The following SGCD variants were observed in gnomAD, a reference collection of about 807,000 sequenced individuals.
SGCD encodes delta-sarcoglycan.
A neutral mutation model predicts 36.6 loss-of-function variants in SGCD; 18 were observed. That is an observed-to-expected ratio of 0.49 (90% CI 0.34 to 0.73). The LOEUF (loss-of-function observed/expected upper bound fraction) is 0.73, where lower values mean the gene tolerates loss of function less well. SGCD is among the 30% of genes least tolerant of loss of function. SGCD has a pLI of 0.01. For synonymous variants in SGCD, 133 were observed against 130.6 expected (o/e 1.02, Z -0.12); for missense variants, 387 against 346.7 (o/e 1.12, Z -0.92).
intron 7 of SGCD, among the ~76,000 whole-genome samples, chr5:156,648,774 G>T (rs965314206): frequency 6.6e-6 from 1 of 152,098 alleles, no homozygotes; most frequent in African/African-American, 2.4e-5. Flanking sequence ...TTCATATAAG[G>T]TACTGAAGCT....
At chr5:156,405,042 A>G (rs1466630457) in intron 3 of SGCD, among the ~76,000 whole-genome samples, 1 of 152,218 alleles carries the variant, frequency 6.6e-6, no homozygotes. Flanking sequence ...CAGCCTAATC[A>G]CATAAGCCCT....
intron 1 of SGCD, among the ~76,000 whole-genome samples, chr5:156,104,862 T>A: frequency 6.6e-6 from 1 of 152,220 alleles, no homozygotes; most frequent in East Asian, 1.9e-4. Context: ...TGCCAGTTAG[T>A]ATTTTTTTCA....
At chr5:156,606,620 C>T (rs1361892721) in intron 6 of SGCD, among the ~76,000 whole-genome samples, 1 of 152,196 alleles carries the variant, frequency 6.6e-6, no homozygotes, top group African/African-American at 2.4e-5. Context: ...GGCACTGAAT[C>T]TATAAATTCC....
chr5:156,595,014 T>G lies in SGCD; in HGVS notation c.465T>G (p.Asn155Lys). Residue 155 changes from asparagine to lysine, a missense_variant, in exon 6 of 9, where the codon AAT becomes AAG. Transcript: ENST00000337851. ...AATTGCTCTTCTCTGCAGACAATAA[T>G]GAAGTGGTAGTAGGAGCTGAAAGAT... ...SGKLLFSADNNEVVVGAERLR... is the reference protein window; with the variant it reads ...SGKLLFSADNKEVVVGAERLR... The G allele has an allele frequency of 6.2e-7, 1 of 1,612,264 alleles. No homozygotes were observed. The highest frequency in any genetic ancestry group is 8.5e-7 in the Non-Finnish European group (1 of 1,178,734).
intron 1 of SGCD, among the ~76,000 whole-genome samples, chr5:155,922,394 C>T (rs1756896285): frequency 6.6e-6 from 1 of 152,104 alleles, no homozygotes; most frequent in African/African-American, 2.4e-5. Flanking sequence ...GTCCTTATTC[C>T]TCACACTTGA....
chr5:156,428,202 A>C (rs1044265650), intron 3 of SGCD, among the ~76,000 whole-genome samples: 14 of 152,020 alleles, frequency 9.2e-5, no homozygotes, highest in African/African-American at 3.1e-4. Context: ...TTAAATTACT[A>C]TTTCAATCTT....
intron 3 of SGCD, among the ~76,000 whole-genome samples, chr5:156,368,880 T>G (rs1254790009): frequency 6.6e-6 from 1 of 152,228 alleles, no homozygotes; most frequent in Admixed American, 6.5e-5. Flanking sequence ...TATAACTATT[T>G]CATTATATAT....
intron 3 of SGCD, among the ~76,000 whole-genome samples, chr5:156,472,711 C>T (rs1277167498): frequency 1.3e-5 from 2 of 152,204 alleles, no homozygotes; most frequent in African/African-American, 2.4e-5. Context: ...GAGTAAGCCA[C>T]CATGCCCAGC....
At chr5:156,421,713 G>A (rs1017888062) in intron 3 of SGCD, among the ~76,000 whole-genome samples, 3 of 152,046 alleles carry the variant, frequency 2.0e-5, no homozygotes, top group Admixed American at 1.3e-4. Context: ...AGCAGCACTT[G>A]AAGCTCTCTG....
chr5:156,125,590 A>G (rs936587055), intron 3 of SGCD, among the ~76,000 whole-genome samples: 1 of 152,098 alleles, frequency 6.6e-6, no homozygotes, highest in Non-Finnish European at 1.5e-5. Context: ...TAGTCAGAAT[A>G]ACTTTGTCTT....
At chr5:156,018,665 T>C (rs1398994308) in intron 1 of SGCD, among the ~76,000 whole-genome samples, 1 of 152,194 alleles carries the variant, frequency 6.6e-6, no homozygotes, top group Non-Finnish European at 1.5e-5. Flanking sequence ...ACCTAATAAG[T>C]GTTGAGCACT....
At chr5:156,020,401 G>A (rs554565245) in intron 1 of SGCD, among the ~76,000 whole-genome samples, 1 of 152,076 alleles carries the variant, frequency 6.6e-6, no homozygotes. Context: ...ACTGTCACTT[G>A]GTTTTTGAAT....
intron 3 of SGCD, among the ~76,000 whole-genome samples, chr5:156,361,351 G>A (rs192865885): frequency 4.2e-4 from 64 of 152,362 alleles, no homozygotes; most frequent in African/African-American, 1.3e-3. Flanking sequence ...AGGTTTTGAA[G>A]AAGACAGACC....
intron 3 of SGCD, among the ~76,000 whole-genome samples, chr5:156,216,816 C>T (rs1316457928): frequency 3.3e-5 from 5 of 152,144 alleles, no homozygotes; most frequent in East Asian, 1.9e-4. Flanking sequence ...TGGTGGCTCA[C>T]GCCTGTCATC....
intron 7 of SGCD, among the ~76,000 whole-genome samples, chr5:156,680,036 G>A (rs1204871129): frequency 6.6e-6 from 1 of 152,172 alleles, no homozygotes; most frequent in East Asian, 1.9e-4. Flanking sequence ...ATTAGGATTA[G>A]TTCAGTATAG....
chr5:156,303,307 T>C (rs1041175332), intron 3 of SGCD, among the ~76,000 whole-genome samples: 2 of 152,132 alleles, frequency 1.3e-5, no homozygotes, highest in African/African-American at 4.8e-5. Context: ...ATGTTCACTC[T>C]AGGCCCAAAG....
the SGCD span, among the ~76,000 whole-genome samples, chr5:155,845,050 C>T: frequency 0.024 from 3,627 of 152,022 alleles, 133 homozygotes; most frequent in African/African-American, 0.081. Context: ...TGACAGGCCC[C>T]GGTGTGTGAT....
chr5:156,589,196 C>T, intron 4 of SGCD, 35 bp from the exon 5 acceptor site: 1 of 1,416,218 alleles, frequency 7.1e-7, no homozygotes, highest in Non-Finnish European at 9.8e-7. Context: ...AGAAATCTAT[C>T]ATTTTCATGT....
At chr5:156,613,107 G>A (rs1425248578) in intron 6 of SGCD, among the ~76,000 whole-genome samples, 1 of 152,174 alleles carries the variant, frequency 6.6e-6, no homozygotes, top group Non-Finnish European at 1.5e-5. Context: ...GGGTTTCCAT[G>A]TTCCACAGGG....
Sources: gnomAD v4.1 joint callset for allele counts (sites outside exome capture counted in the v4.1 genomes callset) on GRCh38, gnomAD v4.1.1 for gene constraint, MANE v1.5 for transcripts, NCBI Gene and HGNC (gene_info 2026-07-23, HGNC 2026-07-21) for gene names.